Variants in NVL observed in about 807,000 individuals in gnomAD.
The protein encoded by NVL is nuclear valosin-containing protein-like.
In NVL, 84 loss-of-function variants were observed where a neutral mutation model predicts 110.2. That is an observed-to-expected ratio of 0.76 (90% CI 0.64 to 0.91). The LOEUF (loss-of-function observed/expected upper bound fraction) is 0.91, where lower values mean the gene tolerates loss of function less well. Ranked by LOEUF, NVL falls within the 40% of genes least tolerant of loss-of-function variation. The pLI, the probability that NVL is intolerant of heterozygous loss-of-function variation, is 0.00. For missense variants in NVL, 882 were observed against 1,035.9 expected, an observed-to-expected ratio of 0.85 and a Z score of 2.04; for synonymous variants, 354 against 361.1, an observed-to-expected ratio of 0.98 and a Z score of 0.22.
Position 224,317,813 on chromosome 1 carries a change from G to A in NVL, c.185-20C>T, listed in dbSNP as rs776473718. The A allele has an allele frequency of 1.9e-5, 30 of 1,559,092 alleles. No homozygotes were observed. In the East Asian group the frequency reaches 3.1e-4, roughly 16 times the overall value. On this transcript the variant is annotated intron_variant, in intron 3 of 22. Transcript: ENST00000281701. ...TAAATACTGAAACAAAAAGAAAAAC[G>A]CTATGAGCTAAAACAATCGTTTGTA... is the stretch of plus-strand genomic sequence containing the variant.
At chr1:224,270,483 G>A (rs1041096929) in intron 17 of NVL, among the ~76,000 whole-genome samples, 2 of 152,116 alleles carry the variant, frequency 1.3e-5, no homozygotes, top group Non-Finnish European at 2.9e-5. Flanking sequence ...GCTTGAACCC[G>A]GGAGGCGGAG....
intron 2 of NVL, among the ~76,000 whole-genome samples, chr1:224,324,482 G>A (rs1670947733): frequency 6.6e-6 from 1 of 152,166 alleles, no homozygotes; most frequent in South Asian, 2.1e-4. Flanking sequence ...CAGCTGGAGT[G>A]CACTGGTGCA....
At chr1:224,233,834 AG>A (rs1488365407) in intron 20 of NVL, among the ~76,000 whole-genome samples, 1 of 152,210 alleles carries the variant, frequency 6.6e-6, no homozygotes, top group Non-Finnish European at 1.5e-5. Flanking sequence ...CAATGCATAA[AG>A]GGCTAAAGTG....
intron 21 of NVL, among the ~76,000 whole-genome samples, chr1:224,231,687 A>G (rs1659889159): frequency 6.6e-6 from 1 of 152,160 alleles, no homozygotes; most frequent in African/African-American, 2.4e-5. Context: ...TGGAGCCATA[A>G]TATCATAGAA....
At chr1:224,301,402 A>G (rs1347416395) in intron 9 of NVL, among the ~76,000 whole-genome samples, 1 of 152,050 alleles carries the variant, frequency 6.6e-6, no homozygotes, top group Non-Finnish European at 1.5e-5. Context: ...TTCCTGGCCT[A>G]TCAAAACAAT....
At chr1:224,294,434 T>C (rs750735553) in intron 11 of NVL, 23 bp from the exon 12 acceptor site, 17 of 1,612,790 alleles carry the variant, frequency 1.1e-5, no homozygotes, top group Non-Finnish European at 1.4e-5. Flanking sequence ...AGAGAAAGAG[T>C]AGTGAACAAA....
At chr1:224,328,610 GA>G (rs1166916382) in intron 1 of NVL, among the ~76,000 whole-genome samples, 3 of 152,250 alleles carry the variant, frequency 2.0e-5, no homozygotes, top group Non-Finnish European at 4.4e-5. Flanking sequence ...TGGTTACAGG[GA>G]AAGACAGTAA....
At chr1:224,264,146 G>A (rs61826448) in intron 18 of NVL, among the ~76,000 whole-genome samples, 1 of 152,228 alleles carries the variant, frequency 6.6e-6, no homozygotes, top group East Asian at 1.9e-4. Flanking sequence ...CTCTGGTCCA[G>A]CCACTCCAGC....
At chr1:224,304,626 C>T in intron 8 of NVL, 110 bp downstream of exon 8, 1 of 911,826 alleles carries the variant, frequency 1.1e-6, no homozygotes, top group Non-Finnish European at 1.7e-6. Context: ...TCAACCTTCC[C>T]AGTTTCCTTT....
chr1:224,309,438 G>T (rs1236969434), intron 5 of NVL, among the ~76,000 whole-genome samples: 1 of 152,002 alleles, frequency 6.6e-6, no homozygotes, highest in African/African-American at 2.4e-5. Context: ...AGGACAACTT[G>T]AGCCCAAGAG....
In NVL at chr1:224,233,228, C is replaced by A; in HGVS notation, c.2428G>T (p.Ala810Ser). Reference sequence around the variant, plus strand: ...TTTTCATTTCCACTCTTCTGTCTTGCCATTTCCTGTCTCAGGGCACAGATA... The same window carrying A: ...TTTTCATTTCCACTCTTCTGTCTTGACATTTCCTGTCTCAGGGCACAGATA... ...ASICALRQEM[A>S]RQKSGNEKGE... is the part of the protein sequence containing the mutation. Residue 810 changes from alanine (A) to serine (S), a missense_variant, in exon 21 of 23, where the codon GCA becomes TCA. By Grantham distance (99) the Ala-to-Ser change is moderately conservative. Around this residue, in one of 4 missense-constraint regions of NVL, gnomAD observed 126 missense variants for 140.7 expected, o/e 0.90. Coordinates refer to ENST00000281701, the MANE Select transcript of NVL (RefSeq NM_002533.4). 6.2e-7 allele frequency: 1 copy of A among 1,612,896 alleles called. No homozygotes were observed. Among genetic ancestry groups the A allele is most frequent in the Middle Eastern group, 1.7e-4 (1 of 6,060 alleles).
intron 18 of NVL, 98 bp from the exon 19 acceptor site, chr1:224,250,416 G>A: frequency 8.8e-7 from 1 of 1,136,540 alleles, no homozygotes; most frequent in Non-Finnish European, 1.2e-6. Context: ...CCAGGCTGGA[G>A]TGCAGTGGCA....
chr1:224,307,330 G>A (rs1363894736), intron 6 of NVL, among the ~76,000 whole-genome samples: 1 of 152,154 alleles, frequency 6.6e-6, no homozygotes, highest in Non-Finnish European at 1.5e-5. Flanking sequence ...AGAAAGTCAG[G>A]CAGCGAAATC....
chr1:224,295,848 C>T (rs1558320611), intron 11 of NVL, among the ~76,000 whole-genome samples: 1 of 151,500 alleles, frequency 6.6e-6, no homozygotes, highest in East Asian at 1.9e-4. Flanking sequence ...CACCTGTAAT[C>T]CCAGCTACTC....
At chr1:224,300,272 A>G (rs1008649745) in intron 10 of NVL, among the ~76,000 whole-genome samples, 2 of 152,226 alleles carry the variant, frequency 1.3e-5, no homozygotes, top group Non-Finnish European at 2.9e-5. Context: ...AGTGGAAAAT[A>G]TCATAAGGAT....
intron 22 of NVL, among the ~76,000 whole-genome samples, chr1:224,231,019 G>C (rs962438698): frequency 6.6e-6 from 1 of 151,874 alleles, no homozygotes. Flanking sequence ...TGTAGTCCCA[G>C]CTACTTGGGA....
chr1:224,237,581 A>G (rs1660626824), intron 19 of NVL, among the ~76,000 whole-genome samples: 1 of 152,084 alleles, frequency 6.6e-6, no homozygotes, highest in Non-Finnish European at 1.5e-5. Context: ...GGCAAACAAA[A>G]CAAGCTTTTT....
chr1:224,261,797 T>A (rs1404789828), intron 18 of NVL, among the ~76,000 whole-genome samples: 1 of 148,382 alleles, frequency 6.7e-6, no homozygotes, highest in Non-Finnish European at 1.5e-5. Flanking sequence ...ACAAAAAAGT[T>A]TTTTTTTTTT....
chr1:224,294,469 G>A (rs944262490), intron 11 of NVL, 58 bp from the exon 12 acceptor site: 29 of 1,543,770 alleles, frequency 1.9e-5, no homozygotes, highest in Non-Finnish European at 2.5e-5. Flanking sequence ...CGGCAATAAT[G>A]GTTACAGAAT....
Sources: allele counts gnomAD v4.1 joint callset (sites outside exome capture counted in the v4.1 genomes callset), GRCh38; gene constraint gnomAD v4.1.1; regional missense constraint gnomAD v4.1.1; transcripts MANE v1.5; gene names NCBI Gene and HGNC (gene_info 2026-07-23, HGNC 2026-07-21).